KAZN: variants seen among roughly 807,000 people sequenced by gnomAD.
The protein encoded by KAZN is kazrin, periplakin interacting protein, also known as kazrin.
A neutral mutation model predicts 87.4 loss-of-function variants in KAZN; 40 were observed. That is an observed-to-expected ratio of 0.46 (90% CI 0.36 to 0.60). KAZN has a LOEUF of 0.60. Among genes scored for constraint, KAZN ranks in the 20% least tolerant of loss-of-function variants. KAZN has a pLI of 0.00. For synonymous variants in KAZN, 466 were observed against 458.3 expected (o/e 1.02, Z -0.22); for missense variants, 898 against 1,073.9 (o/e 0.84, Z 2.29).
intron 3 of KAZN, among the ~76,000 whole-genome samples, chr1:15,039,854 G>A (rs1005894065): frequency 3.9e-5 from 6 of 152,138 alleles, no homozygotes; most frequent in Non-Finnish European, 7.4e-5. Context: ...TATGACTGCC[G>A]GGGGCAGCTC....
rs1644960263 is a variant in KAZN at position 14,769,224 on chromosome 1, TC to T, written c.226+170003del. ...CTCTGATAAGCTTGGCGTGCTAGTT[TC>T]CATGGACTTTTGCTTGGGTTAGGAT... On this transcript the variant is annotated intron_variant, in intron 1 of 14. Coordinates refer to ENST00000376030, the MANE Select transcript of KAZN (RefSeq NM_201628.3). The surrounding 1 kb of genome is among the most constrained non-coding windows in gnomAD (Gnocchi z 4.1). Among the ~76,000 whole-genome samples the T allele has an allele frequency of 6.6e-6, 1 of 152,178 alleles. No individual in the cohort carries two copies. The highest frequency in any genetic ancestry group is 1.5e-5 in the Non-Finnish European group (1 of 68,038).
chr1:14,693,902 G>T (rs1641458761), intron 1 of KAZN, among the ~76,000 whole-genome samples: 1 of 152,160 alleles, frequency 6.6e-6, no homozygotes, highest in Admixed American at 6.5e-5. Context: ...GGTCCTGAGA[G>T]CCTGCCCCAC....
chr1:14,804,932 C>T (rs762655558), intron 1 of KAZN, among the ~76,000 whole-genome samples: 1 of 152,080 alleles, frequency 6.6e-6, no homozygotes, highest in Non-Finnish European at 1.5e-5. Flanking sequence ...TTGGCATGCC[C>T]GTGGTCTGCC....
chr1:14,245,965 G>A (rs762007315), intron 2 of KAZN, among the ~76,000 whole-genome samples: 10 of 152,298 alleles, frequency 6.6e-5, no homozygotes, highest in Admixed American at 2.6e-4. Flanking sequence ...TTTTAAAAAT[G>A]TGGTACATAT....
intron 1 of KAZN, among the ~76,000 whole-genome samples, chr1:14,830,912 G>A (rs772167248): frequency 7.2e-5 from 11 of 152,220 alleles, no homozygotes; most frequent in Non-Finnish European, 1.3e-4. Context: ...GCACCAGGCA[G>A]TCCCTGCAGC....
intron 2 of KAZN, among the ~76,000 whole-genome samples, chr1:14,498,063 C>G (rs1423918884): frequency 6.6e-6 from 1 of 152,190 alleles, no homozygotes; most frequent in Non-Finnish European, 1.5e-5. Flanking sequence ...TATTCAATGT[C>G]TGGGACTCAG....
At chr1:14,098,619 A>T (rs1644181301) in intron 1 of KAZN, among the ~76,000 whole-genome samples, 1 of 152,060 alleles carries the variant, frequency 6.6e-6, no homozygotes, top group Non-Finnish European at 1.5e-5. Context: ...CTCTGCCCAG[A>T]CTGCATTACC....
At chr1:14,989,516 C>T (rs929637134) in intron 2 of KAZN, among the ~76,000 whole-genome samples, 6 of 152,162 alleles carry the variant, frequency 3.9e-5, no homozygotes, top group Non-Finnish European at 5.9e-5. Context: ...TTGTCTTCAT[C>T]GTCATTGGAC....
intron 2 of KAZN, among the ~76,000 whole-genome samples, chr1:14,500,306 C>T (rs972977880): frequency 4.6e-5 from 7 of 152,078 alleles, no homozygotes; most frequent in South Asian, 2.1e-4. Flanking sequence ...TGTTTCACTT[C>T]CTTTAAGCCA....
At chr1:13,936,466 C>A (rs955739906) in intron 1 of KAZN, among the ~76,000 whole-genome samples, 1 of 152,034 alleles carries the variant, frequency 6.6e-6, no homozygotes, top group Non-Finnish European at 1.5e-5. Context: ...TTAATGTATC[C>A]ATCACTTGAA....
intron 1 of KAZN, among the ~76,000 whole-genome samples, chr1:14,165,816 T>C (rs971169545): frequency 1.3e-5 from 2 of 152,164 alleles, no homozygotes; most frequent in East Asian, 1.9e-4. Context: ...GCAAACTCTT[T>C]GACAGAGATT....
At chr1:14,594,847 C>T (rs1676393984), upstream of KAZN, among the ~76,000 whole-genome samples, 1 of 152,176 alleles carries the variant, frequency 6.6e-6, no homozygotes, top group Non-Finnish European at 1.5e-5. Flanking sequence ...GGAGGGGACA[C>T]AGATTCCGCT....
intron 2 of KAZN, 62 bp downstream of exon 2, chr1:14,960,937 C>T (rs1663783628): frequency 6.6e-7 from 1 of 1,509,950 alleles, no homozygotes; most frequent in African/African-American, 1.4e-5. Flanking sequence ...ATCTGGAGTC[C>T]TCCCCATGCA....
intron 1 of KAZN, among the ~76,000 whole-genome samples, chr1:14,870,076 G>C (rs1203543789): frequency 6.6e-6 from 1 of 152,182 alleles, no homozygotes; most frequent in Non-Finnish European, 1.5e-5. Context: ...CATCTCTGTG[G>C]AAAATCCCAG....
At chr1:14,878,544 G>A (rs1282461842) in intron 1 of KAZN, among the ~76,000 whole-genome samples, 1 of 152,122 alleles carries the variant, frequency 6.6e-6, no homozygotes, top group Non-Finnish European at 1.5e-5. Flanking sequence ...CAAATGAATG[G>A]CTTAGCCCAG....
At chr1:14,723,278 A>G (rs1643211866) in intron 1 of KAZN, among the ~76,000 whole-genome samples, 1 of 152,072 alleles carries the variant, frequency 6.6e-6, no homozygotes, top group Non-Finnish European at 1.5e-5. Flanking sequence ...CTGCCCCCAC[A>G]CTGTCCCCAG....
chr1:14,708,337 T>A (rs191038436), intron 1 of KAZN, among the ~76,000 whole-genome samples: 1 of 152,346 alleles, frequency 6.6e-6, no homozygotes, highest in East Asian at 1.9e-4. Context: ...ACAAGTGATA[T>A]TTTGCACTGC....
At chr1:14,867,275 G>A (rs779958261) in intron 1 of KAZN, among the ~76,000 whole-genome samples, 2 of 152,180 alleles carry the variant, frequency 1.3e-5, no homozygotes, top group Admixed American at 6.5e-5. Flanking sequence ...TGAGATCTGC[G>A]AGAGTGGGGA....
chr1:14,215,028 C>A (rs1033549618), intron 2 of KAZN, among the ~76,000 whole-genome samples: 34 of 152,324 alleles, frequency 2.2e-4, no homozygotes, highest in Middle Eastern at 3.4e-3. Context: ...TGCAGAAAGA[C>A]ATGCCTGCAT....
Sources: allele counts gnomAD v4.1 joint callset (sites outside exome capture counted in the v4.1 genomes callset), GRCh38; gene constraint gnomAD v4.1.1; non-coding constraint Gnocchi (gnomAD v3.1); transcripts MANE v1.5; gene names NCBI Gene and HGNC (gene_info 2026-07-23, HGNC 2026-07-21).